Variants in FAM107B observed in about 807,000 individuals in gnomAD.
FAM107B encodes the protein protein FAM107B.
Under a neutral mutation model 31.5 loss-of-function variants are expected in FAM107B, and 21 were observed. The ratio of observed to expected loss-of-function variants is 0.67; its 90% CI spans 0.47 to 0.96. FAM107B has a LOEUF of 0.96. Among genes scored for constraint, FAM107B ranks in the 40% least tolerant of loss-of-function variants. The pLI is 0.00. For synonymous variants in FAM107B, 157 were observed against 141.5 expected (o/e 1.11, Z -0.78); for missense variants, 452 against 377.1 (o/e 1.20, Z -1.64).
intron 2 of FAM107B, among the ~76,000 whole-genome samples, chr10:14,547,728 C>T (rs546478958): frequency 6.6e-6 from 1 of 152,290 alleles, no homozygotes; most frequent in African/African-American, 2.4e-5. Context: ...TGGAAAACTT[C>T]ATTTTTCACT....
At chr10:14,599,287 C>A (rs189613861) in intron 2 of FAM107B, among the ~76,000 whole-genome samples, 2 of 152,286 alleles carry the variant, frequency 1.3e-5, no homozygotes, top group Non-Finnish European at 2.9e-5. Flanking sequence ...AGCAGCCCCA[C>A]CAGGAAGAGG....
At chr10:14,562,084 C>T in intron 2 of FAM107B, among the ~76,000 whole-genome samples, 1 of 152,164 alleles carries the variant, frequency 6.6e-6, no homozygotes, top group East Asian at 1.9e-4. Flanking sequence ...CTACGCCCGG[C>T]CTTAGAGTGC....
intron 1 of FAM107B, among the ~76,000 whole-genome samples, chr10:14,690,536 C>G (rs376192534): frequency 6.6e-6 from 1 of 152,140 alleles, no homozygotes; most frequent in South Asian, 2.1e-4. Context: ...TCGCTGCAAC[C>G]TCTACCTCCC....
intron 1 of FAM107B, among the ~76,000 whole-genome samples, chr10:14,731,350 T>C (rs1856168945): frequency 1.3e-5 from 2 of 152,202 alleles, no homozygotes; most frequent in South Asian, 2.1e-4. Context: ...TCACCTGAGA[T>C]CAGGAGTTTG....
At chr10:14,537,361 C>CT (rs1479298334) in intron 2 of FAM107B, among the ~76,000 whole-genome samples, 4 of 152,234 alleles carry the variant, frequency 2.6e-5, no homozygotes, top group Non-Finnish European at 5.9e-5. Flanking sequence ...GGGGTCATGA[C>CT]TTCCCAGTCT....
At position 14,540,548 on chromosome 10, in the gene FAM107B, CCT is replaced by C. The variant is rs777921559; in HGVS notation, c.470-10035_470-10034del. On this transcript the variant is annotated intron_variant, in intron 2 of 4. Transcript: ENST00000181796. ...TGGACCACCCTCCCTCTGTCCTCCC[CCT>C]GTTCTCCCCCAGCTTTCTGCCCACA... Among the ~76,000 whole-genome samples the C allele has an allele frequency of 2.4e-4, 37 of 152,300 alleles. No homozygotes were observed. In the East Asian group the frequency reaches 2.7e-3, roughly 11 times the overall value.
In FAM107B at chr10:14,690,024, AG is replaced by A; in HGVS notation, c.412-22334del. Among the ~76,000 whole-genome samples the A allele has an allele frequency of 2.0e-4, 11 of 55,510 alleles. No homozygotes were observed. The South Asian group carries it at 6.0e-3, about 30-fold the overall frequency. 36.4% of individuals were successfully genotyped at this position (55,510 alleles called of 152,430 possible). ...AAGGAAGGAAGGAAGGAAGGAAGGA[AG>A]GGAGGGAGGGAGGGAGGGAGGGAGG... On this transcript the variant is annotated intron_variant, in intron 1 of 4. Transcript: ENST00000181796.
intron 2 of FAM107B, among the ~76,000 whole-genome samples, chr10:14,587,219 CCTT>C (rs1424654285): frequency 1.3e-5 from 2 of 152,176 alleles, no homozygotes; most frequent in African/African-American, 2.4e-5. Flanking sequence ...AGTTCATCGT[CCTT>C]CTAATGCGCC....
chr10:14,573,576 C>CAAAAAAAAA (rs774786735), intron 2 of FAM107B, among the ~76,000 whole-genome samples: 3 of 122,048 alleles, frequency 2.5e-5, no homozygotes, highest in Admixed American at 8.5e-5. Flanking sequence ...ATTAAAAATA[C>CAAAAAAAAA]AAAAAAAAAA....
intron 1 of FAM107B, among the ~76,000 whole-genome samples, chr10:14,690,734 G>T (rs1055254195): frequency 6.6e-6 from 1 of 152,010 alleles, no homozygotes; most frequent in Non-Finnish European, 1.5e-5. Context: ...TTACAGGCGT[G>T]AGCCACCACG....
chr10:14,566,993 A>C (rs1850725305), intron 2 of FAM107B, among the ~76,000 whole-genome samples: 1 of 152,172 alleles, frequency 6.6e-6, no homozygotes, highest in Non-Finnish European at 1.5e-5. Flanking sequence ...CCACTAAAAA[A>C]TACAAAAAAA....
chr10:14,715,456 T>C lies in FAM107B; in HGVS notation c.412-47765A>G, dbSNP rs570303428. On this transcript the variant is annotated intron_variant, in intron 1 of 4. Transcript: ENST00000181796. ...GTATTAGTTATCTATCATTATATAA[T>C]AGATCACCCCAAAACGCAGTGGCTG... Among the ~76,000 whole-genome samples the C allele has an allele frequency of 2.6e-5, 4 of 152,322 alleles. No homozygotes were observed. In the East Asian group the frequency reaches 7.7e-4, roughly 29 times the overall value.
At chr10:14,618,483 G>A (rs374780436) in intron 2 of FAM107B, among the ~76,000 whole-genome samples, 2 of 151,892 alleles carry the variant, frequency 1.3e-5, no homozygotes, top group African/African-American at 2.4e-5. Flanking sequence ...TTGCCCCCAC[G>A]CCCCCCAAAA....
intron 2 of FAM107B, among the ~76,000 whole-genome samples, chr10:14,629,639 A>G (rs1853301229): frequency 6.8e-6 from 1 of 148,040 alleles, no homozygotes; most frequent in Admixed American, 6.9e-5. Flanking sequence ...CAGCCTCCCG[A>G]GTAGCTGGGA....
chr10:14,658,540 G>A (rs1854133638), intron 2 of FAM107B, among the ~76,000 whole-genome samples: 1 of 152,158 alleles, frequency 6.6e-6, no homozygotes. Flanking sequence ...ATTCATTCAT[G>A]CATGCATACT....
chr10:14,698,723 C>A (rs991791429), intron 1 of FAM107B, among the ~76,000 whole-genome samples: 29 of 152,310 alleles, frequency 1.9e-4, no homozygotes, highest in African/African-American at 6.7e-4. Flanking sequence ...TCAGGGTTAT[C>A]TTATGCAAAA....
intron 1 of FAM107B, among the ~76,000 whole-genome samples, chr10:14,678,825 T>C (rs1388651179): frequency 2.6e-5 from 4 of 152,238 alleles, no homozygotes; most frequent in Non-Finnish European, 5.9e-5. Context: ...GAGTCCCTGG[T>C]GAATACAGGC....
chr10:14,681,107 T>C (rs188198606), intron 1 of FAM107B, among the ~76,000 whole-genome samples: 1 of 152,202 alleles, frequency 6.6e-6, no homozygotes, highest in African/African-American at 2.4e-5. Context: ...CCTAAGTAGC[T>C]ACAGCAAAAG....
At chr10:14,523,341 C>T (rs891509884) in intron 3 of FAM107B, among the ~76,000 whole-genome samples, 8 of 152,194 alleles carry the variant, frequency 5.3e-5, no homozygotes, top group African/African-American at 1.9e-4. Context: ...GACAAACCAC[C>T]GAACAGGAAA....
Sources: gnomAD v4.1 joint callset for allele counts (sites outside exome capture counted in the v4.1 genomes callset) on GRCh38, gnomAD v4.1.1 for gene constraint, MANE v1.5 for transcripts, NCBI Gene and HGNC (gene_info 2026-07-23, HGNC 2026-07-21) for gene names.